SORCS1: variants seen among roughly 807,000 people sequenced by gnomAD.
The protein encoded by SORCS1 is VPS10 domain-containing receptor SorCS1.
A neutral mutation model predicts 146.1 loss-of-function variants in SORCS1; 60 were observed. The observed-to-expected ratio is 0.41, with a 90% CI of 0.33 to 0.51. The LOEUF (loss-of-function observed/expected upper bound fraction) is 0.51, where lower values mean the gene tolerates loss of function less well. SORCS1 is among the 20% of genes least tolerant of loss of function. The probability of loss-of-function intolerance (pLI) is 0.21; values close to 1 mark genes in which losing one functional copy is unlikely to be tolerated. For synonymous variants in SORCS1, 637 were observed against 584.0 expected (o/e 1.09, Z -1.31); for missense variants, 1,352 against 1,487.6 (o/e 0.91, Z 1.50).
intron 6 of SORCS1, among the ~76,000 whole-genome samples, chr10:106,726,207 T>TTTTTTTTA (rs1322255001): frequency 6.9e-6 from 1 of 145,644 alleles, no homozygotes; most frequent in Non-Finnish European, 1.5e-5. Context: ...TTTTTTTTTT[T>TTTTTTTTA]ACACTGTGAC....
intron 1 of SORCS1, among the ~76,000 whole-genome samples, chr10:107,019,841 G>A (rs1476177971): frequency 3.3e-5 from 5 of 152,202 alleles, no homozygotes; most frequent in Non-Finnish European, 5.9e-5. Context: ...TACTTAGGGA[G>A]GCAGCTACTG....
chr10:106,776,523 A>C lies in SORCS1; in HGVS notation c.885+11T>G. 4.3e-6 allele frequency: 7 copies of C among 1,613,590 alleles called. No homozygotes were observed. Among genetic ancestry groups the C allele is most frequent in the South Asian group, 1.1e-5 (1 of 91,044 alleles). ...ATGCTTCATTGTCTCAAACAAGGTA[A>C]GTATGCTCACCTTTTGGTCTTGACT... On this transcript the variant is annotated intron_variant, in intron 4 of 25. Coordinates refer to ENST00000263054, the MANE Select transcript of SORCS1 (RefSeq NM_052918.5).
rs543263067 is a variant in SORCS1 at position 106,591,611 on chromosome 10, G to C, written c.3265+5740C>G. 3.3e-5 allele frequency among the ~76,000 whole-genome samples: 5 copies of C among 152,228 alleles called. No individual in the cohort carries two copies. The East Asian group carries it at 7.7e-4, about 23-fold the overall frequency. On this transcript the variant is annotated intron_variant, in intron 24 of 25. Coordinates refer to ENST00000263054, the MANE Select transcript of SORCS1 (RefSeq NM_052918.5). ...CCTGATATGTGCAAGTTATCTGCTA[G>C]GTAAAATGATGAAGATGATATAAAG...
At chr10:106,980,748 T>C (rs919531991) in intron 1 of SORCS1, among the ~76,000 whole-genome samples, 3 of 152,234 alleles carry the variant, frequency 2.0e-5, no homozygotes, top group Admixed American at 6.5e-5. Flanking sequence ...GTTTGTAATA[T>C]GCTGAAAGCT....
chr10:106,836,342 T>C (rs1016382108), intron 2 of SORCS1, among the ~76,000 whole-genome samples: 20 of 151,204 alleles, frequency 1.3e-4, no homozygotes, highest in Admixed American at 1.2e-3. Context: ...GGCATGGTGG[T>C]GGGCGCCTGT....
intron 3 of SORCS1, among the ~76,000 whole-genome samples, chr10:106,795,324 A>G (rs2136567853): frequency 6.6e-6 from 1 of 152,242 alleles, no homozygotes; most frequent in East Asian, 1.9e-4. Context: ...GGAAGCTTCT[A>G]GAGAACTAAG....
intron 24 of SORCS1, among the ~76,000 whole-genome samples, chr10:106,586,390 T>C (rs1389052908): frequency 6.6e-6 from 1 of 152,160 alleles, no homozygotes; most frequent in Non-Finnish European, 1.5e-5. Flanking sequence ...TTTATATGTG[T>C]TATCCTTCCC....
At chr10:107,053,815 T>C (rs768043781) in intron 1 of SORCS1, among the ~76,000 whole-genome samples, 1 of 152,182 alleles carries the variant, frequency 6.6e-6, no homozygotes, top group Non-Finnish European at 1.5e-5. Context: ...CCTTCAATCA[T>C]ATAGTTTACC....
chr10:106,612,101 CAAAA>C, intron 21 of SORCS1, 78 bp from the exon 22 acceptor site: 1 of 1,148,182 alleles, frequency 8.7e-7, no homozygotes. Context: ...ATATTTTATA[CAAAA>C]TGGAGGGTCC....
At chr10:107,008,295 T>C (rs1365835522) in intron 1 of SORCS1, among the ~76,000 whole-genome samples, 1 of 152,240 alleles carries the variant, frequency 6.6e-6, no homozygotes, top group Non-Finnish European at 1.5e-5. Flanking sequence ...ATGTAATTTA[T>C]GCAGTACAAT....
Position 107,159,844 on chromosome 10 carries a change from G to GAA in SORCS1, c.558+4123_558+4124dup, listed in dbSNP as rs112408335. On this transcript the variant is annotated intron_variant, in intron 1 of 25. Transcript: ENST00000263054. ...TTTAAAAGGTCAGCTCCTCCCCACC[G>GAA]AAAAAAAAAAACTGTATCAAAATGT... is the stretch of plus-strand genomic sequence containing the variant. Among the ~76,000 whole-genome samples the GAA allele has an allele frequency of 4.3e-3, 622 of 143,052 alleles. 4 individuals carry two copies. The highest frequency in any genetic ancestry group is 0.015 in the African/African-American group (593 of 39,460). 93.8% of individuals were successfully genotyped at this position (143,052 alleles called of 152,430 possible). A position where few individuals can be genotyped will look rare whatever the true frequency, so the allele number is the denominator to read the frequency against.
chr10:107,077,536 TTAA>T (rs759326979), intron 1 of SORCS1, among the ~76,000 whole-genome samples: 2 of 151,488 alleles, frequency 1.3e-5, no homozygotes, highest in Non-Finnish European at 2.9e-5. Context: ...ATAAAGACAG[TTAA>T]TAATTGGTGA....
intron 24 of SORCS1, among the ~76,000 whole-genome samples, chr10:106,590,803 C>A (rs941011330): frequency 6.6e-6 from 1 of 152,092 alleles, no homozygotes; most frequent in Non-Finnish European, 1.5e-5. Context: ...TACAGGTGCA[C>A]GCCACCATGC....
chr10:106,791,750 C>T (rs1250294410), intron 3 of SORCS1, among the ~76,000 whole-genome samples: 1 of 152,148 alleles, frequency 6.6e-6, no homozygotes, highest in Non-Finnish European at 1.5e-5. Flanking sequence ...ATACACACTA[C>T]CAAGTGTTTT....
At chr10:107,113,921 TAA>T (rs1245732432) in intron 1 of SORCS1, among the ~76,000 whole-genome samples, 1 of 150,982 alleles carries the variant, frequency 6.6e-6, no homozygotes, top group Non-Finnish European at 1.5e-5. Context: ...AACCAGAAAA[TAA>T]AGAGAGCCCA....
At chr10:107,055,289 T>G (rs11814889) in intron 1 of SORCS1, among the ~76,000 whole-genome samples, 5,576 of 152,262 alleles carry the variant, frequency 0.037, 344 homozygotes, top group African/African-American at 0.13. Flanking sequence ...TAATCTCTCA[T>G]GTTAAGCCAG....
intron 1 of SORCS1, among the ~76,000 whole-genome samples, chr10:107,159,259 T>C (rs1969527679): frequency 6.6e-6 from 1 of 152,174 alleles, no homozygotes; most frequent in Non-Finnish European, 1.5e-5. Flanking sequence ...CATTTCTACA[T>C]CCCCAACACT....
chr10:106,906,111 G>A (rs1262245360), intron 2 of SORCS1, among the ~76,000 whole-genome samples: 1 of 152,096 alleles, frequency 6.6e-6, no homozygotes, highest in Non-Finnish European at 1.5e-5. Context: ...AAGAGAAAAA[G>A]AGGTTTTTGT....
chr10:106,691,619 T>C (rs1049551156), intron 9 of SORCS1, among the ~76,000 whole-genome samples: 3 of 152,106 alleles, frequency 2.0e-5, no homozygotes, highest in African/African-American at 7.2e-5. Flanking sequence ...TTCCTTCCCT[T>C]CTCTTATCTG....
Sources: allele counts gnomAD v4.1 joint callset (sites outside exome capture counted in the v4.1 genomes callset), GRCh38; gene constraint gnomAD v4.1.1; transcripts MANE v1.5; gene names NCBI Gene and HGNC (gene_info 2026-07-23, HGNC 2026-07-21).